FBXO46: variants seen among roughly 807,000 people sequenced by gnomAD.
FBXO46 encodes F-box protein 46.
Under a neutral mutation model 30.7 loss-of-function variants are expected in FBXO46, and 13 were observed. The ratio of observed to expected loss-of-function variants is 0.42; its 90% CI spans 0.28 to 0.67. The LOEUF (loss-of-function observed/expected upper bound fraction) is 0.67, where lower values mean the gene tolerates loss of function less well. Ranked by LOEUF, FBXO46 falls within the 30% of genes least tolerant of loss-of-function variation. The probability of loss-of-function intolerance (pLI) is 0.21; values close to 1 mark genes in which losing one functional copy is unlikely to be tolerated. For synonymous variants in FBXO46, 467 were observed against 385.8 expected (o/e 1.21, Z -2.47); for missense variants, 754 against 871.5 (o/e 0.87, Z 1.70).
Position 45,712,600 on chromosome 19 carries a change from C to A in FBXO46, c.896G>T (p.Arg299Leu). ...GTCACATGTGATCTTGTCCTTGGCT[C>A]GGGCCCCAGGACCTGGGCTGCCAGG... The part of the protein sequence containing the change: ...AYPGSPGPGA[R>L]AKDKITCDLY... The change falls in exon 2 of 2, where the codon CGA becomes CTA. Residue 299 changes from arginine to leucine, a missense_variant. Physicochemically the swap from Arg to Leu is moderately radical, Grantham distance 102. This residue lies in a region of FBXO46 where 454 missense variants were observed against 426.5 expected (regional missense o/e 1.06). Transcript: ENST00000317683. This position sits in a 1 kb window ranked among gnomAD's most constrained non-coding sequence, Gnocchi z 8.8. 1 of 1,591,252 alleles carries A rather than the reference C, an allele frequency of 6.3e-7. No homozygotes were observed. The highest frequency in any genetic ancestry group is 8.6e-7 in the Non-Finnish European group (1 of 1,168,224).
At position 45,712,263 on chromosome 19, in the gene FBXO46, G is replaced by C; in HGVS notation, c.1233C>G (p.Leu411=). The change falls in exon 2 of 2, where the codon CTC becomes CTG. Residue 411 remains leucine (L), a synonymous_variant. Transcript: ENST00000317683. This position sits in a 1 kb window ranked among gnomAD's most constrained non-coding sequence, Gnocchi z 8.8. ...EPPPPGQLFF[L]QNRGPDGPPE... ...GGGGCCCGTCCGGCCCGCGGTTCTGGAGAAAGAAGAGCTGGCCCGGAGGCG... is the reference window on the plus strand; with the variant it reads ...GGGGCCCGTCCGGCCCGCGGTTCTGCAGAAAGAAGAGCTGGCCCGGAGGCG... 1 of 1,604,814 alleles carries C rather than the reference G, an allele frequency of 6.2e-7. No individual in the cohort carries two copies. Among genetic ancestry groups the C allele is most frequent in the Non-Finnish European group, 8.5e-7 (1 of 1,179,372 alleles).
chr19:45,720,046 C>G (rs1375440726), intron 1 of FBXO46, among the ~76,000 whole-genome samples: 2 of 152,060 alleles, frequency 1.3e-5, no homozygotes, highest in African/African-American at 4.8e-5. Context: ...TCACTGTCAC[C>G]CAGGCTGGAG....
intron 1 of FBXO46, among the ~76,000 whole-genome samples, chr19:45,720,772 A>G (rs2146154957): frequency 6.6e-6 from 1 of 152,196 alleles, no homozygotes; most frequent in South Asian, 2.1e-4. Context: ...CTTAGAATCA[A>G]AGATCAGCTG....
chr19:45,721,799 C>G (rs1410722441), intron 1 of FBXO46, among the ~76,000 whole-genome samples: 1 of 150,946 alleles, frequency 6.6e-6, no homozygotes, highest in Non-Finnish European at 1.5e-5. Context: ...ACCCAAAGTG[C>G]TGGGATTATA....
rs773570673 is a variant in FBXO46, at chr19:45,713,015, C to T, written c.481G>A (p.Ala161Thr). Residue 161 changes from alanine (A) to threonine (T), a missense_variant, in exon 2 of 2, where the codon GCC (alanine) becomes ACC (threonine). Around this residue, in one of 5 missense-constraint regions of FBXO46, gnomAD observed 454 missense variants for 426.5 expected, o/e 1.06. Transcript: ENST00000317683. This position sits in a 1 kb window ranked among gnomAD's most constrained non-coding sequence, Gnocchi z 4.7. ...AGGTCCACGTCCTCACCGGCTGAGGCGGGGCCCTCCTCAGCAGCAGGGGGG... is the reference window on the plus strand; with the variant it reads ...AGGTCCACGTCCTCACCGGCTGAGGTGGGGCCCTCCTCAGCAGCAGGGGGG... Reference protein sequence around the residue: ...EGPPAAEEGPASAGEDVDLLS... With the variant: ...EGPPAAEEGPTSAGEDVDLLS... 42 of 1,555,580 alleles carry T rather than the reference C, an allele frequency of 2.7e-5. No homozygotes were observed. The highest frequency in any genetic ancestry group is 2.7e-5 in the African/African-American group (2 of 73,304).
rs1383366417 is a variant in FBXO46 at position 45,712,495 on chromosome 19, C to G, written c.1001G>C (p.Ser334Thr). 6.2e-7 allele frequency: 1 copy of G among 1,606,232 alleles called. No homozygotes were observed. Among genetic ancestry groups the G allele is most frequent in the Non-Finnish European group, 8.5e-7 (1 of 1,176,090 alleles). The change falls in exon 2 of 2, where the codon AGT becomes ACT. Residue 334 changes from serine to threonine, a missense_variant. Physicochemically the swap from Ser to Thr is moderately conservative, Grantham distance 58. This residue lies in a region of FBXO46 where 454 missense variants were observed against 426.5 expected (regional missense o/e 1.06). Transcript: ENST00000317683. The surrounding 1 kb of genome is among the most constrained non-coding windows in gnomAD (Gnocchi z 8.8). ...EFLLARADEA[S>T]EGDSPAPARP... ...GGCGGGTGCCGGGCTGTCACCCTCA[C>G]TGGCCTCATCCGCCCTGGCCAGCAG...
rs971355515 is a variant in FBXO46, at chr19:45,715,942, A to ACC, written c.-78-2371_-78-2370dup. On this transcript the variant is annotated intron_variant, in intron 1 of 1. Transcript: ENST00000317683. ...CACTCCATAATCCCCAATCCCACCTACCCCTCAAATACTTACAGTCCCTGC... is the reference window on the plus strand; with the variant it reads ...CACTCCATAATCCCCAATCCCACCTACCCCCCTCAAATACTTACAGTCCCTGC... 2.0e-5 allele frequency: 3 copies of ACC among 151,938 alleles called. No homozygotes were observed. The East Asian group carries it at 5.8e-4, about 29-fold the overall frequency. 9.4% of individuals were successfully genotyped at this position (151,938 alleles called of 1,614,324 possible).
At chr19:45,719,038 C>T (rs1457890214) in intron 1 of FBXO46, among the ~76,000 whole-genome samples, 2 of 151,376 alleles carry the variant, frequency 1.3e-5, no homozygotes, top group Non-Finnish European at 2.9e-5. Flanking sequence ...CCCTTGAGCT[C>T]AGGAGTCTGC....
In FBXO46 at chr19:45,713,594, T is replaced by G. The variant is rs1030046550; in HGVS notation, c.-78-21A>C. On this transcript the variant is annotated intron_variant, in intron 1 of 1. Coordinates refer to ENST00000317683, the MANE Select transcript of FBXO46 (RefSeq NM_001080469.2). This position sits in a 1 kb window ranked among gnomAD's most constrained non-coding sequence, Gnocchi z 4.7. Reference sequence around the variant, plus strand: ...GCCACCTGGAGACACGAAGAGGAGGTTGGGGAGCTAGGGGGACAGCCTTTC... The same window carrying G: ...GCCACCTGGAGACACGAAGAGGAGGGTGGGGAGCTAGGGGGACAGCCTTTC... The G allele has an allele frequency of 9.8e-7, 1 of 1,019,918 alleles. No homozygotes were observed. Among genetic ancestry groups the G allele is most frequent in the African/African-American group, 1.6e-5 (1 of 61,640 alleles). 63.2% of individuals were successfully genotyped at this position (1,019,918 alleles called of 1,614,324 possible).
chr19:45,721,553 C>CTT lies in FBXO46; in HGVS notation c.-78-7982_-78-7981dup, dbSNP rs35101456. 1.3e-3 allele frequency among the ~76,000 whole-genome samples: 142 copies of CTT among 110,782 alleles called. 1 individual carries two copies. Among genetic ancestry groups the CTT allele is most frequent in the Non-Finnish European group, 1.6e-3 (93 of 57,320 alleles). 72.7% of individuals were successfully genotyped at this position (110,782 alleles called of 152,430 possible). ...CAGGGTTTCGTTCCTGGTCCTGTTC[C>CTT]TTTTTTTTTTTTTTTTTTTGACAGG... is the stretch of plus-strand genomic sequence containing the variant. On this transcript the variant is annotated intron_variant, in intron 1 of 1. Transcript: ENST00000317683.
chr19:45,721,236 T>G (rs957469739), intron 1 of FBXO46, among the ~76,000 whole-genome samples: 1 of 151,622 alleles, frequency 6.6e-6, no homozygotes, highest in Admixed American at 6.6e-5. Context: ...TCACAGCTAC[T>G]CGGGAGGCTG....
At chr19:45,730,206 A>C (rs748226882) in intron 1 of FBXO46, among the ~76,000 whole-genome samples, 1 of 151,844 alleles carries the variant, frequency 6.6e-6, no homozygotes, top group African/African-American at 2.4e-5. Context: ...AGGGTGCGAA[A>C]GCCTGTCTCG....
rs1200756181 is a variant in FBXO46, at chr19:45,711,926, G to A, written c.1570C>T (p.Leu524Phe). The A allele has an allele frequency of 1.9e-6, 3 of 1,613,394 alleles. No individual in the cohort carries two copies. Among genetic ancestry groups the A allele is most frequent in the Non-Finnish European group, 2.5e-6 (3 of 1,179,822 alleles). ...TGTTTGCACGGATCATCGCGGTAGA[G>A]CGGGTCTCGGCTCCAGCGCGAGTCT... ...ATDSRWSRDP[L>F]YRDDPCKQCR... The change falls in exon 2 of 2, where the codon CTC becomes TTC. Residue 524 changes from leucine (L) to phenylalanine (F), a missense_variant. By Grantham distance (22) the Leu-to-Phe change is conservative. Around this residue, in one of 5 missense-constraint regions of FBXO46, gnomAD observed 162 missense variants for 258.7 expected, o/e 0.63. Transcript: ENST00000317683.
Position 45,713,189 on chromosome 19 carries a change from A to C in FBXO46, c.307T>G (p.Phe103Val), listed in dbSNP as rs757731596. ...CCACCACACTGGTGGGCCACAAAGA[A>C]GGCCACCTTCTCCTTTGTATTCCCG... ...KPGNTKEKVA[F>V]FVAHQCGGGS... The change falls in exon 2 of 2, where the codon TTC becomes GTC. Residue 103 changes from phenylalanine (F) to valine (V), a missense_variant. By Grantham distance (50) the Phe-to-Val change is conservative. This residue lies in a region of FBXO46 where 39 missense variants were observed against 56.5 expected (regional missense o/e 0.69). Transcript: ENST00000317683. This position sits in a 1 kb window ranked among gnomAD's most constrained non-coding sequence, Gnocchi z 4.7. The C allele has an allele frequency of 6.2e-7, 1 of 1,613,860 alleles. No individual in the cohort carries two copies.
chr19:45,727,728 A>G (rs1486575753), intron 1 of FBXO46, among the ~76,000 whole-genome samples: 2 of 152,180 alleles, frequency 1.3e-5, no homozygotes, highest in African/African-American at 4.8e-5. Flanking sequence ...AGCTCACAAT[A>G]AACCAAACTG....
At chr19:45,720,377 C>T (rs1968152941) in intron 1 of FBXO46, among the ~76,000 whole-genome samples, 1 of 152,122 alleles carries the variant, frequency 6.6e-6, no homozygotes, top group South Asian at 2.1e-4. Flanking sequence ...GGTGATCCAC[C>T]CCACCTTGGC....
chr19:45,714,339 G>T (rs1229341320), intron 1 of FBXO46: 1 of 152,016 alleles, frequency 6.6e-6, no homozygotes, highest in Non-Finnish European at 1.5e-5. Flanking sequence ...AAAATCTGAG[G>T]TCAGATTCAG....
chr19:45,711,466 C>CA lies in FBXO46; in HGVS notation c.*217dup. The CA allele has an allele frequency of 1.5e-6, 1 of 688,562 alleles. No homozygotes were observed. Among genetic ancestry groups the CA allele is most frequent in the Non-Finnish European group, 2.6e-6 (1 of 377,686 alleles). 42.7% of individuals were successfully genotyped at this position (688,562 alleles called of 1,614,324 possible). ...ATAAAAAAAAAAAAAACACCCTTCT[C>CA]AGAGGGTCCACGGCCCTGGTTCTGA... is the stretch of plus-strand genomic sequence containing the variant. On this transcript the variant is annotated 3_prime_UTR_variant, in exon 2 of 2. Transcript: ENST00000317683.
At chr19:45,717,728 G>A (rs1425386568) in intron 1 of FBXO46, among the ~76,000 whole-genome samples, 3 of 149,832 alleles carry the variant, frequency 2.0e-5, no homozygotes, top group Admixed American at 1.3e-4. Context: ...ACACCAAGGC[G>A]GAAGGAAGCA....
Sources: gnomAD v4.1 joint callset for allele counts (sites outside exome capture counted in the v4.1 genomes callset) on GRCh38, gnomAD v4.1.1 for gene constraint, gnomAD v4.1.1 regional missense constraint, Gnocchi (gnomAD v3.1) non-coding constraint, MANE v1.5 for transcripts, NCBI Gene and HGNC (gene_info 2026-07-23, HGNC 2026-07-21) for gene names.